Variants in CLN3 observed in about 807,000 individuals in gnomAD.
CLN3 encodes CLN3 lysosomal/endosomal transmembrane protein, battenin.
A neutral mutation model predicts 60.7 loss-of-function variants in CLN3; 49 were observed. That is an observed-to-expected ratio of 0.81 (90% CI 0.64 to 1.02). The LOEUF (loss-of-function observed/expected upper bound fraction) is 1.02, where lower values mean the gene tolerates loss of function less well. CLN3 is among the 50% of genes least tolerant of loss of function. The pLI is 0.00. For missense variants in CLN3, 516 were observed against 557.4 expected (o/e 0.93, Z 0.75); for synonymous variants, 256 against 245.8 (o/e 1.04, Z -0.39).
intron 7 of CLN3, 142 bp downstream of exon 7, chr16:28,487,314 C>CG (rs2046236071): frequency 1.4e-6 from 1 of 738,716 alleles, no homozygotes; most frequent in Admixed American, 2.0e-5. Context: ...AGTCTCCCAT[C>CG]GCCTACTGCT....
At chr16:28,485,074 A>T (rs1567259228) in intron 9 of CLN3, 1 of 151,630 alleles carries the variant, frequency 6.6e-6, no homozygotes, top group Non-Finnish European at 1.5e-5. Context: ...CCTCCCAAGT[A>T]GCTGGGACTA....
At chr16:28,475,937 G>A (rs1419069374), downstream of CLN3, 1 of 150,742 alleles carries the variant, frequency 6.6e-6, no homozygotes, top group Non-Finnish European at 1.5e-5. Context: ...CCAGGCTGGA[G>A]TGCAGTGGTG....
Position 28,482,469 on chromosome 16 carries a change from T to C in CLN3, c.906+8A>G. On this transcript the variant is annotated splice_region_variant and intron_variant, in intron 12 of 15. Coordinates refer to ENST00000636147, the MANE Select transcript of CLN3 (RefSeq NM_001042432.2). Reference sequence around the variant, plus strand: ...ACCTCCACACCCCTCCTAGCACCCCTCACTTACAAGTCCCTGGTTAATGAA... The same window carrying C: ...ACCTCCACACCCCTCCTAGCACCCCCCACTTACAAGTCCCTGGTTAATGAA... The C allele has an allele frequency of 6.2e-7, 1 of 1,614,072 alleles. No individual in the cohort carries two copies. Among genetic ancestry groups the C allele is most frequent in the Non-Finnish European group, 8.5e-7 (1 of 1,179,992 alleles).
At chr16:28,483,703 C>T (rs1189392771) in intron 10 of CLN3, among the ~76,000 whole-genome samples, 1 of 145,612 alleles carries the variant, frequency 6.9e-6, no homozygotes, top group Non-Finnish European at 1.5e-5. Flanking sequence ...TCCCTTCCTT[C>T]CTTTCTTTTC....
At chr16:28,487,396 C>A in intron 7 of CLN3, 60 bp downstream of exon 7, 1 of 1,381,636 alleles carries the variant, frequency 7.2e-7, no homozygotes, top group Non-Finnish European at 1.0e-6. Context: ...AGACTCTTCC[C>A]ACAAATGCTC....
intron 14 of CLN3, among the ~76,000 whole-genome samples, chr16:28,478,372 T>C (rs989534930): frequency 6.7e-6 from 1 of 149,738 alleles, no homozygotes; most frequent in Non-Finnish European, 1.5e-5. Context: ...TACCAGCACA[T>C]TGGGAGACCA....
At chr16:28,487,580 C>T in intron 6 of CLN3, 39 bp from the exon 7 acceptor site, 1 of 1,601,224 alleles carries the variant, frequency 6.2e-7, no homozygotes, top group Non-Finnish European at 8.6e-7. Context: ...GAAGGTCGGT[C>T]TCTACTCTCA....
intron 1 of CLN3, 57 bp downstream of exon 1, chr16:28,491,963 C>A (rs1331265223): frequency 3.0e-6 from 2 of 661,898 alleles, no homozygotes; most frequent in Non-Finnish European, 5.3e-6. Flanking sequence ...ACCCACCACG[C>A]CCCACCCATC....
chr16:28,469,905 G>A (rs1432907393), downstream of CLN3: 1 of 277,124 alleles, frequency 3.6e-6, no homozygotes, highest in East Asian at 1.2e-4. Flanking sequence ...CCCGGAAGCG[G>A]AGGTTGCAGT....
At chr16:28,491,668 G>A (rs1048822855) in intron 2 of CLN3, 46 bp downstream of exon 2, 3 of 1,614,062 alleles carry the variant, frequency 1.9e-6, no homozygotes, top group Admixed American at 1.7e-5. Context: ...CAGGTGGGCT[G>A]CGAGCCAGAG....
At chr16:28,470,749 C>T (rs1393046448), downstream of CLN3, among the ~76,000 whole-genome samples, 1 of 150,550 alleles carries the variant, frequency 6.6e-6, no homozygotes, top group Non-Finnish European at 1.5e-5. Context: ...GGGAAAGGAT[C>T]CGGTTCAAAT....
Position 28,477,570 on chromosome 16 carries a change from G to A in CLN3, c.1263C>T (p.Ser421=), listed in dbSNP as rs2141693533. The A allele has an allele frequency of 6.2e-7, 1 of 1,613,976 alleles. No homozygotes were observed. The highest frequency in any genetic ancestry group is 8.5e-7 in the Non-Finnish European group (1 of 1,180,022). Reference sequence around the variant, plus strand: ...GAGGCAAAGCCAGGAGCCCCGACAGGGAGATCCCCAGTGTGTCAGAGATGC... The same window carrying A: ...GAGGCAAAGCCAGGAGCCCCGACAGAGAGATCCCCAGTGTGTCAGAGATGC... ...ATCISDTLGI[S]LSGLLALPLH... Residue 421 remains serine, a synonymous_variant, in exon 16 of 16, where the codon TCC becomes TCT. Transcript: ENST00000636147.
chr16:28,479,810 G>A (rs976157035), intron 14 of CLN3: 17 of 189,654 alleles, frequency 9.0e-5, no homozygotes, highest in Middle Eastern at 1.2e-3. Flanking sequence ...CTAAAAACAT[G>A]TAGCTTAAAA....
At chr16:28,482,225 G>A (rs765319085) in intron 13 of CLN3, 27 bp from the exon 14 acceptor site, 6 of 1,601,030 alleles carry the variant, frequency 3.7e-6, no homozygotes, top group South Asian at 1.1e-5. Flanking sequence ...GGGGAGGAGA[G>A]GAGGCTCCTC....
Position 28,491,521 on chromosome 16 carries a change from T to C in CLN3, c.86A>G (p.Asp29Gly). Residue 29 changes from aspartate to glycine, a missense_variant, in exon 3 of 16, where the codon GAC becomes GGC. By Grantham distance (94) the Asp-to-Gly change is moderately conservative. Transcript: ENST00000636147. Reference protein sequence around the residue: ...TVPEPRLPLLDHQGAHWKNAV... With the variant: ...TVPEPRLPLLGHQGAHWKNAV... ...GTTCTTCCAATGCGCGCCCTGATGG[T>C]CCAACAGAGGGAGCCGGGGCTCCGG... 6.2e-7 allele frequency: 1 copy of C among 1,613,972 alleles called. No homozygotes were observed. Among genetic ancestry groups the C allele is most frequent in the Non-Finnish European group, 8.5e-7 (1 of 1,180,024 alleles).
downstream of CLN3, among the ~76,000 whole-genome samples, chr16:28,474,497 C>G (rs1386054958): frequency 9.9e-5 from 15 of 152,102 alleles, no homozygotes; most frequent in East Asian, 2.9e-3. Context: ...GCAGGAGAAT[C>G]ACTTGAACCG....
In CLN3 at chr16:28,482,325, A is replaced by C. The variant is rs746674736; in HGVS notation, c.962+2T>G. The C allele has an allele frequency of 2.5e-6, 4 of 1,613,544 alleles. No individual in the cohort carries two copies. In the South Asian group the frequency reaches 4.4e-5, roughly 18 times the overall value. On this transcript the variant is annotated splice_donor_variant, in intron 13 of 15. Coordinates refer to ENST00000636147, the MANE Select transcript of CLN3 (RefSeq NM_001042432.2). LOFTEE classifies it high-confidence loss of function. Reference sequence around the variant, plus strand: ...CCAGCCCACTGCCCTCGCTCCTCTTACCAGCGGTATTGCTGAGCGTGACTC... The same window carrying C: ...CCAGCCCACTGCCCTCGCTCCTCTTCCCAGCGGTATTGCTGAGCGTGACTC...
At chr16:28,489,669 T>C (rs1008462146) in intron 3 of CLN3, among the ~76,000 whole-genome samples, 9 of 152,068 alleles carry the variant, frequency 5.9e-5, no homozygotes, top group African/African-American at 2.2e-4. Context: ...GAGGATTGCT[T>C]GAGTCCAGGA....
chr16:28,471,681 A>C (rs1158938842), downstream of CLN3, among the ~76,000 whole-genome samples: 1 of 132,162 alleles, frequency 7.6e-6, no homozygotes, highest in Admixed American at 8.3e-5. Flanking sequence ...CTGGCCTGGG[A>C]ATTCCTCTTT....
Sources: gnomAD v4.1 joint callset for allele counts (sites outside exome capture counted in the v4.1 genomes callset) on GRCh38, gnomAD v4.1.1 for gene constraint, MANE v1.5 for transcripts, NCBI Gene and HGNC (gene_info 2026-07-23, HGNC 2026-07-21) for gene names.